Variants in PLEKHA7 observed in about 807,000 individuals in gnomAD.
PLEKHA7 encodes pleckstrin homology domain-containing family A member 7.
Under a neutral mutation model 170.0 loss-of-function variants are expected in PLEKHA7, and 104 were observed. The ratio of observed to expected loss-of-function variants is 0.61; its 90% CI spans 0.52 to 0.72. PLEKHA7 has a LOEUF of 0.72. Ranked by LOEUF, PLEKHA7 falls within the 30% of genes least tolerant of loss-of-function variation. PLEKHA7 has a pLI of 0.00. For synonymous variants in PLEKHA7, 648 were observed against 660.8 expected, an observed-to-expected ratio of 0.98 and a Z score of 0.30; for missense variants, 1,615 against 1,671.7, an observed-to-expected ratio of 0.97 and a Z score of 0.59.
intron 3 of PLEKHA7, among the ~76,000 whole-genome samples, chr11:16,973,700 G>A (rs1862865946): frequency 6.6e-6 from 1 of 152,178 alleles, no homozygotes; most frequent in African/African-American, 2.4e-5. Context: ...TTCCTATGAT[G>A]GGCCCTATGC....
intron 8 of PLEKHA7, among the ~76,000 whole-genome samples, chr11:16,847,976 A>G (rs1590325936): frequency 1.3e-5 from 2 of 152,140 alleles, no homozygotes; most frequent in East Asian, 3.8e-4. Context: ...TAGGCTGCAG[A>G]GGAGTTCCAA....
intron 3 of PLEKHA7, among the ~76,000 whole-genome samples, chr11:17,010,021 C>G (rs1464724968): frequency 6.6e-6 from 1 of 152,116 alleles, no homozygotes; most frequent in African/African-American, 2.4e-5. Flanking sequence ...CTCATTAATG[C>G]AAAATTGAAC....
In PLEKHA7 at chr11:16,817,008, C is replaced by T. The variant is rs749608660; in HGVS notation, c.1658G>A (p.Arg553Gln). 31 of 1,602,432 alleles carry T rather than the reference C, an allele frequency of 1.9e-5. No individual in the cohort carries two copies. Among genetic ancestry groups the T allele is most frequent in the South Asian group, 6.7e-5 (6 of 89,028 alleles). Residue 553 changes from arginine to glutamine, a missense_variant, in exon 11 of 27, where the codon CGG (arginine) becomes CAG (glutamine). Arg to Gln is a conservative substitution (Grantham distance 43). Coordinates refer to ENST00000531066, the MANE Select transcript of PLEKHA7 (RefSeq NM_001329630.2). The surrounding 1 kb of genome is among the most constrained non-coding windows in gnomAD (Gnocchi z 4.4). Reference sequence around the variant, plus strand: ...GGGCACCTCTAGCATGCTCCTGCTCCGGCCCTGGTCGGTGAACTCTGGGGA... The same window carrying T: ...GGGCACCTCTAGCATGCTCCTGCTCTGGCCCTGGTCGGTGAACTCTGGGGA... ...LGSPEFTDQG[R>Q]SRSMLEVPRS...
chr11:16,925,484 A>C (rs925918909), intron 3 of PLEKHA7, among the ~76,000 whole-genome samples: 1 of 152,134 alleles, frequency 6.6e-6, no homozygotes. Context: ...TGTCGGCTCG[A>C]CAACCCGCAG....
At chr11:16,911,700 G>A (rs1219421525) in intron 3 of PLEKHA7, among the ~76,000 whole-genome samples, 1 of 151,974 alleles carries the variant, frequency 6.6e-6, no homozygotes, top group Non-Finnish European at 1.5e-5. Context: ...CCACCTCTTT[G>A]ACCTGTCTTC....
chr11:16,879,648 C>T (rs1855565404), intron 3 of PLEKHA7, among the ~76,000 whole-genome samples: 1 of 152,168 alleles, frequency 6.6e-6, no homozygotes, highest in Non-Finnish European at 1.5e-5. Flanking sequence ...TCCAAATGTG[C>T]CAAAGGGAAC....
chr11:16,954,355 AAAC>A (rs945823406), intron 3 of PLEKHA7, among the ~76,000 whole-genome samples: 30 of 151,962 alleles, frequency 2.0e-4, no homozygotes, highest in Middle Eastern at 3.4e-3. Flanking sequence ...ATCTCTACAA[AAAC>A]AACAACAACA....
intron 9 of PLEKHA7, among the ~76,000 whole-genome samples, chr11:16,830,953 A>G (rs902907361): frequency 6.6e-6 from 1 of 152,206 alleles, no homozygotes; most frequent in African/African-American, 2.4e-5. Context: ...ACACTTCCAT[A>G]TATGCCAGTG....
At chr11:16,811,379 G>C (rs1464810035) in intron 13 of PLEKHA7, among the ~76,000 whole-genome samples, 1 of 152,214 alleles carries the variant, frequency 6.6e-6, no homozygotes, top group Non-Finnish European at 1.5e-5. Flanking sequence ...AGGTATGTCT[G>C]AGTGGACTGT....
intron 9 of PLEKHA7, among the ~76,000 whole-genome samples, chr11:16,840,208 T>A (rs1357290114): frequency 2.6e-5 from 4 of 152,170 alleles, no homozygotes; most frequent in Non-Finnish European, 5.9e-5. Flanking sequence ...AATCTCTCAC[T>A]CACTCACTCA....
chr11:16,936,904 A>G (rs576627140), intron 3 of PLEKHA7, among the ~76,000 whole-genome samples: 2 of 152,376 alleles, frequency 1.3e-5, no homozygotes, highest in Admixed American at 6.5e-5. Flanking sequence ...AGACACTTGT[A>G]GCTCTGGCTC....
At chr11:16,831,783 G>A (rs1302510306) in intron 9 of PLEKHA7, among the ~76,000 whole-genome samples, 2 of 152,204 alleles carry the variant, frequency 1.3e-5, no homozygotes, top group Non-Finnish European at 2.9e-5. Flanking sequence ...TTGGGTTGTT[G>A]TGAGGATTAA....
rs869209891 is a variant in PLEKHA7 at position 16,838,693 on chromosome 11, C to CTTTTT, written c.872+2849_872+2853dup. On this transcript the variant is annotated intron_variant, in intron 9 of 26. Coordinates refer to ENST00000531066, the MANE Select transcript of PLEKHA7 (RefSeq NM_001329630.2). ...ACTCACTAGTGAAATACACAGTTTT[C>CTTTTT]TTTTTTTTTTTTTTTTTTTTTGAGA... Among the ~76,000 whole-genome samples, 71 of 107,848 alleles carry CTTTTT rather than the reference C, an allele frequency of 6.6e-4. 2 individuals are homozygous for CTTTTT. The highest frequency in any genetic ancestry group is 7.6e-4 in the Non-Finnish European group (43 of 56,404). The allele number at this position is 107,848 out of a possible 152,430, so 70.8% of individuals were successfully genotyped here. A position where few individuals can be genotyped will look rare whatever the true frequency, so the allele number is the denominator to read the frequency against.
chr11:16,994,586 G>A (rs1026155821), intron 3 of PLEKHA7, among the ~76,000 whole-genome samples: 4 of 152,100 alleles, frequency 2.6e-5, no homozygotes, highest in Non-Finnish European at 5.9e-5. Context: ...AGAGGGCCCG[G>A]TCACAGCCCT....
intron 3 of PLEKHA7, among the ~76,000 whole-genome samples, chr11:16,979,048 T>C (rs1206044445): frequency 2.6e-5 from 4 of 152,174 alleles, no homozygotes; most frequent in East Asian, 3.8e-4. Context: ...TGTTGTTGTT[T>C]TGTTTTTGAG....
At chr11:16,853,247 A>T (rs1238490064) in intron 6 of PLEKHA7, among the ~76,000 whole-genome samples, 2 of 152,258 alleles carry the variant, frequency 1.3e-5, no homozygotes, top group Non-Finnish European at 2.9e-5. Context: ...CTTCTGCAGA[A>T]GTTTTTGACA....
At chr11:16,904,881 G>A (rs1251330617) in intron 3 of PLEKHA7, among the ~76,000 whole-genome samples, 1 of 152,146 alleles carries the variant, frequency 6.6e-6, no homozygotes, top group Non-Finnish European at 1.5e-5. Flanking sequence ...ATGACTAAAA[G>A]CATGTTATGT....
chr11:16,792,016 G>A (rs1457227023), intron 19 of PLEKHA7, among the ~76,000 whole-genome samples: 1 of 152,118 alleles, frequency 6.6e-6, no homozygotes, highest in Non-Finnish European at 1.5e-5. Flanking sequence ...TAAGAATTTT[G>A]CAGAGTTCAG....
rs752433396 is a variant in PLEKHA7, at chr11:16,826,203, G to A, written c.1260C>T (p.Thr420=). The A allele has an allele frequency of 5.6e-6, 9 of 1,614,060 alleles. No individual in the cohort carries two copies. Among genetic ancestry groups the A allele is most frequent in the Admixed American group, 1.7e-5 (1 of 60,008 alleles). ...GGYQRAFPPR[T]NPEKHSQRKS... is the part of the protein sequence containing the mutation. ...TCCTTTGGCTGTGTTTTTCAGGGTTGGTCCTGGGAGGAAAGGCCCGCTGGT... is the reference window on the plus strand; with the variant it reads ...TCCTTTGGCTGTGTTTTTCAGGGTTAGTCCTGGGAGGAAAGGCCCGCTGGT... Residue 420 remains threonine (T), a synonymous_variant, in exon 10 of 27, where the codon ACC becomes ACT. Coordinates refer to ENST00000531066, the MANE Select transcript of PLEKHA7 (RefSeq NM_001329630.2).
Sources: allele counts gnomAD v4.1 joint callset (sites outside exome capture counted in the v4.1 genomes callset), GRCh38; gene constraint gnomAD v4.1.1; non-coding constraint Gnocchi (gnomAD v3.1); transcripts MANE v1.5; gene names NCBI Gene and HGNC (gene_info 2026-07-23, HGNC 2026-07-21).